Variants in TMEM101 observed in about 807,000 individuals in gnomAD.
The protein encoded by TMEM101 is transmembrane protein 101, also known as putative NF-kappa-B-activating protein 130.
In TMEM101, 14 loss-of-function variants were observed where a neutral mutation model predicts 26.0. The ratio of observed to expected loss-of-function variants is 0.54; its 90% confidence interval spans 0.36 to 0.84. The LOEUF (loss-of-function observed/expected upper bound fraction) is 0.84, where lower values mean the gene tolerates loss of function less well. Ranked by LOEUF, TMEM101 falls within the 40% of genes least tolerant of loss-of-function variation. The probability of loss-of-function intolerance (pLI) is 0.01; values close to 1 mark genes in which losing one functional copy is unlikely to be tolerated. For synonymous variants in TMEM101, 152 were observed against 145.1 expected (o/e 1.05, Z -0.34); for missense variants, 292 against 345.1 (o/e 0.85, Z 1.22).
chr17:44,019,922 T>C (rs2049271098), upstream of TMEM101, among the ~76,000 whole-genome samples: 2 of 152,214 alleles, frequency 1.3e-5, no homozygotes, highest in African/African-American at 4.8e-5. Flanking sequence ...GGGGCAAACC[T>C]TTCCTTGGGC....
upstream of TMEM101, chr17:44,019,457 G>A (rs758446291): frequency 1.0e-5 from 2 of 196,900 alleles, no homozygotes; most frequent in Non-Finnish European, 1.1e-5. Flanking sequence ...TGAGTTGTTT[G>A]GCATGAGCTC....
At position 44,014,796 on chromosome 17, in the gene TMEM101, G is replaced by T; in HGVS notation, c.137+20C>A. 6.5e-7 allele frequency: 1 copy of T among 1,539,832 alleles called. No homozygotes were observed. The highest frequency in any genetic ancestry group is 8.8e-7 in the Non-Finnish European group (1 of 1,141,296). ...ATCACCGCCCCCTGCCGCGTTTAGC[G>T]GCTGCGTAGGCCTGCTCACCGGCGT... is the stretch of plus-strand genomic sequence containing the variant. On this transcript the variant is annotated intron_variant, in intron 1 of 3. Transcript: ENST00000206380.
At chr17:44,013,629 A>G (rs950123833) in intron 2 of TMEM101, among the ~76,000 whole-genome samples, 1 of 152,222 alleles carries the variant, frequency 6.6e-6, no homozygotes, top group Admixed American at 6.5e-5. Flanking sequence ...ACTGCACTCC[A>G]GCCTGGGCGA....
chr17:44,013,717 C>G (rs1294894232), intron 2 of TMEM101, among the ~76,000 whole-genome samples: 3 of 152,104 alleles, frequency 2.0e-5, no homozygotes, highest in African/African-American at 7.2e-5. Flanking sequence ...GTGGCAGAAC[C>G]CAGACACAAT....
Position 44,011,714 on chromosome 17 carries a change from A to G in TMEM101, c.*214T>C. ...CTCCTAACAGGAAAAAAACCTGTAC[A>G]GCATTAGTGCCAGGGCTCCTGCCCT... On this transcript the variant is annotated 3_prime_UTR_variant, in exon 4 of 4. Transcript: ENST00000206380. 1 of 582,644 alleles carries G rather than the reference A, an allele frequency of 1.7e-6. No homozygotes were observed. Among genetic ancestry groups the G allele is most frequent in the Non-Finnish European group, 3.0e-6 (1 of 331,332 alleles). 36.1% of individuals were successfully genotyped at this position (582,644 alleles called of 1,614,324 possible). A position where few individuals can be genotyped will look rare whatever the true frequency, so the allele number is the denominator to read the frequency against.
At chr17:44,020,123 C>T (rs546863169) in intron 2 of TMEM101, among the ~76,000 whole-genome samples, 125 of 152,190 alleles carry the variant, frequency 8.2e-4, no homozygotes, top group Non-Finnish European at 1.0e-3. Flanking sequence ...GATAGGGTAC[C>T]GTCACCAGGG....
chr17:44,014,631 C>T, intron 1 of TMEM101, 94 bp from the exon 2 acceptor site: 1 of 1,521,434 alleles, frequency 6.6e-7, no homozygotes, highest in South Asian at 1.2e-5. Flanking sequence ...TCCACTGCTC[C>T]CCCAAACCAG....
upstream of TMEM101, among the ~76,000 whole-genome samples, chr17:44,015,343 G>A (rs372450685): frequency 4.6e-5 from 7 of 152,068 alleles, no homozygotes; most frequent in African/African-American, 1.7e-4. Flanking sequence ...ATCATGAAAT[G>A]GGGATAATTA....
intron 3 of TMEM101, 130 bp downstream of exon 3, chr17:44,012,879 C>T: frequency 3.7e-6 from 4 of 1,076,582 alleles, no homozygotes; most frequent in Non-Finnish European, 5.0e-6. Context: ...AGGGCAATTC[C>T]CAGGGAACTG....
rs1040743812 is a variant in TMEM101, at chr17:44,011,268, T to C, written c.*660A>G. On this transcript the variant is annotated 3_prime_UTR_variant, in exon 4 of 4. Coordinates refer to ENST00000206380, the MANE Select transcript of TMEM101 (RefSeq NM_032376.4). ...AACTCCACCCCCACCAGGCCAACCA[T>C]GGAGCTAGAAACAGAGACAGCAGGA... 1.3e-5 allele frequency: 2 copies of C among 152,320 alleles called. No individual in the cohort carries two copies. The highest frequency in any genetic ancestry group is 4.8e-5 in the African/African-American group (2 of 41,462). The allele number at this position is 152,320 out of a possible 1,614,324, so 9.4% of individuals were successfully genotyped here. A position where few individuals can be genotyped will look rare whatever the true frequency, so the allele number is the denominator to read the frequency against.
At position 44,013,128 on chromosome 17, in the gene TMEM101, T is replaced by C; in HGVS notation, c.346A>G (p.Ile116Val). 6.2e-7 allele frequency: 1 copy of C among 1,605,720 alleles called. No homozygotes were observed. The highest frequency in any genetic ancestry group is 8.5e-7 in the Non-Finnish European group (1 of 1,174,002). The stretch of plus-strand genomic sequence containing the variant: ...GCCAACACAAGAAAGCCGCCGATGA[T>C]GGCAACTGTGCGCGAGTACATACGG... ...KVRMYSRTVAIIGGFLVLASG... is the reference protein window; with the variant it reads ...KVRMYSRTVAVIGGFLVLASG... The change falls in exon 3 of 4, where the codon ATC becomes GTC. Residue 116 changes from isoleucine (I) to valine (V), a missense_variant. Ile to Val is a conservative substitution (Grantham distance 29). This residue lies in a region of TMEM101 where 149 missense variants were observed against 211.9 expected (regional missense o/e 0.70). Transcript: ENST00000206380.
upstream of TMEM101, chr17:44,023,148 C>T: frequency 4.4e-6 from 1 of 228,364 alleles, no homozygotes; most frequent in Non-Finnish European, 8.8e-6. Flanking sequence ...TCGGCGCAGT[C>T]TGGGACCCTA....
rs1012680619 is a variant in TMEM101 at position 44,012,261 on chromosome 17, C to T, written c.466-25G>A. 3 of 1,584,658 alleles carry T rather than the reference C, an allele frequency of 1.9e-6. No homozygotes were observed. In the African/African-American group the frequency reaches 4.0e-5, roughly 21 times the overall value. Reference sequence around the variant, plus strand: ...CCTGGAGACATAACATCCTCTAAGACTCTCCAACAGGCTCAGAAGCCTGTC... The same window carrying T: ...CCTGGAGACATAACATCCTCTAAGATTCTCCAACAGGCTCAGAAGCCTGTC... On this transcript the variant is annotated intron_variant, in intron 3 of 3. Transcript: ENST00000206380.
chr17:44,012,068 G>T lies in TMEM101; in HGVS notation c.634C>A (p.Pro212Thr). 1 of 1,614,220 alleles carries T rather than the reference G, an allele frequency of 6.2e-7. No individual in the cohort carries two copies. The highest frequency in any genetic ancestry group is 8.5e-7 in the Non-Finnish European group (1 of 1,180,048). ...CCATCAATGAGCAGCATGACAGGGG[G>T]CAGCAGTACAGCCAGGATCTGGGCA... is the stretch of plus-strand genomic sequence containing the variant. ...LAAQILAVLL[P>T]PVMLLIDGNV... Residue 212 changes from proline (P) to threonine (T), a missense_variant, in exon 4 of 4, where the codon CCC becomes ACC. Transcript: ENST00000206380.
chr17:44,014,127 C>T (rs573347448), intron 2 of TMEM101, among the ~76,000 whole-genome samples: 1 of 152,312 alleles, frequency 6.6e-6, no homozygotes, highest in South Asian at 2.1e-4. Context: ...TTGGGAAAGT[C>T]TGTTTCCCAT....
At chr17:44,012,516 G>T in intron 3 of TMEM101, 1 of 511,366 alleles carries the variant, frequency 2.0e-6, no homozygotes, top group Non-Finnish European at 3.5e-6. Flanking sequence ...AGCCCACACA[G>T]AGAGCTGTAC....
In TMEM101 at chr17:44,020,314, C is replaced by A. The variant is rs542878416; in HGVS notation, c.-210+1008G>T. 9.8e-5 allele frequency among the ~76,000 whole-genome samples: 15 copies of A among 152,316 alleles called. No individual in the cohort carries two copies. In the South Asian group the frequency reaches 3.1e-3, roughly 32 times the overall value. On this transcript the variant is annotated intron_variant, in intron 2 of 4. Coordinates refer to the TMEM101 transcript ENST00000585950. ...GGCCCCCCAGGGAACAGGAAGAGTT[C>A]TCCTATAATTGTATCGCTGTAATGT...
At chr17:44,013,694 T>C (rs1418784781) in intron 2 of TMEM101, among the ~76,000 whole-genome samples, 2 of 152,162 alleles carry the variant, frequency 1.3e-5, no homozygotes, top group African/African-American at 4.8e-5. Flanking sequence ...TGGCAGGTCC[T>C]ACCTGCCAGT....
rs752208151 is a variant in TMEM101, at chr17:44,014,491, C to T, written c.184G>A (p.Ala62Thr). 10 of 1,568,520 alleles carry T rather than the reference C, an allele frequency of 6.4e-6. No homozygotes were observed. The South Asian group carries it at 8.2e-5, about 13-fold the overall frequency. ...VPYLYFDMGA[A>T]VLCASFMSFG... ...GACATGAAACTAGCGCACAGCACGG[C>T]TGCCCCCATGTCGAAATACAGGTAA... Residue 62 changes from alanine (A) to threonine (T), a missense_variant, in exon 2 of 4, where the codon GCC becomes ACC. Ala to Thr is a moderately conservative substitution (Grantham distance 58). Transcript: ENST00000206380.
Sources: allele counts gnomAD v4.1 joint callset (sites outside exome capture counted in the v4.1 genomes callset), GRCh38; gene constraint gnomAD v4.1.1; regional missense constraint gnomAD v4.1.1; transcripts MANE v1.5; gene names NCBI Gene and HGNC (gene_info 2026-07-23, HGNC 2026-07-21).